CYP46A1: variants seen among roughly 807,000 people sequenced by gnomAD.
CYP46A1 encodes the protein cytochrome P450 family 46 subfamily A member 1, also known as cholesterol 24-hydroxylase.
A neutral mutation model predicts 63.3 loss-of-function variants in CYP46A1; 20 were observed. That is an observed-to-expected ratio of 0.32 (90% CI 0.22 to 0.46). The LOEUF (loss-of-function observed/expected upper bound fraction) is 0.46. Ranked by LOEUF, CYP46A1 falls within the 20% of genes least tolerant of loss-of-function variation. The pLI, the probability that CYP46A1 is intolerant of heterozygous loss-of-function variation, is 1.00. For synonymous variants in CYP46A1, 268 were observed against 273.6 expected (o/e 0.98, Z 0.20); for missense variants, 445 against 670.8 (o/e 0.66, Z 3.72).
chr14:99,706,576 G>T, intron 5 of CYP46A1, 71 bp from the exon 6 acceptor site: 1 of 1,586,180 alleles, frequency 6.3e-7, no homozygotes, highest in South Asian at 1.2e-5. Flanking sequence ...TCTCTGTGGA[G>T]AGGGAGGGCA....
intron 14 of CYP46A1, 134 bp downstream of exon 14, chr14:99,726,390 CCAGAGG>C: frequency 8.5e-7 from 1 of 1,182,624 alleles, no homozygotes; most frequent in Non-Finnish European, 1.2e-6. Flanking sequence ...GGAGCCAGAC[CCAGAGG>C]ACTGGCTGTG....
At position 99,725,700 on chromosome 14, in the gene CYP46A1, CA is replaced by C. The variant is rs1462404563; in HGVS notation, c.1265+222del. On this transcript the variant is annotated intron_variant, in intron 13 of 14. Coordinates refer to ENST00000261835, the MANE Select transcript of CYP46A1 (RefSeq NM_006668.2). This position sits in a 1 kb window ranked among gnomAD's most constrained non-coding sequence, Gnocchi z 4.2. Reference sequence around the variant, plus strand: ...TCAGTCTGGTTCTAAAGCTCATGCTCATAAGCAGCACCAAATACTGGGAAGC... The same window carrying C: ...TCAGTCTGGTTCTAAAGCTCATGCTCTAAGCAGCACCAAATACTGGGAAGC... Among the ~76,000 whole-genome samples the C allele has an allele frequency of 6.6e-6, 1 of 152,232 alleles. No homozygotes were observed. The highest frequency in any genetic ancestry group is 1.5e-5 in the Non-Finnish European group (1 of 68,038).
At chr14:99,694,002 C>T (rs1251396292) in intron 3 of CYP46A1, among the ~76,000 whole-genome samples, 1 of 152,148 alleles carries the variant, frequency 6.6e-6, no homozygotes, top group East Asian at 1.9e-4. Context: ...CCCCCCAGAC[C>T]CTGGAAACCA....
Position 99,725,319 on chromosome 14 carries a change from TG to T in CYP46A1, c.1177-70del. Reference sequence around the variant, plus strand: ...CTCTGCTCTGAGTAGCCCTGTTGGGTGGCCTCAGTGGCTCAAGAGGTGCCAG... The same window carrying T: ...CTCTGCTCTGAGTAGCCCTGTTGGGTGCCTCAGTGGCTCAAGAGGTGCCAG... On this transcript the variant is annotated intron_variant, in intron 12 of 14. Transcript: ENST00000261835. This position sits in a 1 kb window ranked among gnomAD's most constrained non-coding sequence, Gnocchi z 4.2. The T allele has an allele frequency of 8.3e-7, 1 of 1,202,034 alleles. No homozygotes were observed. The highest frequency in any genetic ancestry group is 1.2e-6 in the Non-Finnish European group (1 of 808,956). 74.5% of individuals were successfully genotyped at this position (1,202,034 alleles called of 1,614,324 possible).
intron 1 of CYP46A1, among the ~76,000 whole-genome samples, chr14:99,689,916 A>C (rs1330136614): frequency 3.3e-5 from 5 of 152,154 alleles, no homozygotes; most frequent in African/African-American, 1.2e-4. Context: ...CAGCTCACCA[A>C]AGTCAAAGCA....
Position 99,725,276 on chromosome 14 carries a change from G to T in CYP46A1, c.1177-115G>T. ...CTAGATGAGGGGTGAAGACATGGGG[G>T]GAGGAGAGTGGGACCCACTCTGCTC... On this transcript the variant is annotated intron_variant, in intron 12 of 14. Transcript: ENST00000261835. This position sits in a 1 kb window ranked among gnomAD's most constrained non-coding sequence, Gnocchi z 4.2. 1 of 738,040 alleles carries T rather than the reference G, an allele frequency of 1.4e-6. No homozygotes were observed. Among genetic ancestry groups the T allele is most frequent in the South Asian group, 1.6e-5 (1 of 61,536 alleles). The allele number at this position is 738,040 out of a possible 1,614,324, so 45.7% of individuals were successfully genotyped here. A position where few individuals can be genotyped will look rare whatever the true frequency, so the allele number is the denominator to read the frequency against.
intron 1 of CYP46A1, among the ~76,000 whole-genome samples, chr14:99,686,180 C>A (rs2056492512): frequency 6.6e-6 from 1 of 152,136 alleles, no homozygotes; most frequent in Admixed American, 6.5e-5. Context: ...CCGTGGTGGA[C>A]ACTATCACCC....
chr14:99,702,794 T>C (rs2056643473), intron 5 of CYP46A1, among the ~76,000 whole-genome samples: 1 of 152,190 alleles, frequency 6.6e-6, no homozygotes, highest in South Asian at 2.1e-4. Context: ...GAACAATGAC[T>C]ACAAACTATA....
chr14:99,726,424 C>A, intron 14 of CYP46A1, 133 bp from the exon 15 acceptor site: 2 of 1,169,972 alleles, frequency 1.7e-6, no homozygotes, highest in South Asian at 1.7e-5. Flanking sequence ...CGGAGGAGAG[C>A]GCAAAACAGG....
chr14:99,702,923 C>T (rs1349324301), intron 5 of CYP46A1, among the ~76,000 whole-genome samples: 1 of 152,066 alleles, frequency 6.6e-6, no homozygotes, highest in East Asian at 1.9e-4. Context: ...AAATCTAATC[C>T]ATGTTCATGT....
rs2056888510 is a variant in CYP46A1 at position 99,725,565 on chromosome 14, A to T, written c.1265+86A>T. 3 of 942,342 alleles carry T rather than the reference A, an allele frequency of 3.2e-6. No homozygotes were observed. In the Admixed American group the frequency reaches 5.6e-5, roughly 17 times the overall value. The allele number at this position is 942,342 out of a possible 1,614,324, so 58.4% of individuals were successfully genotyped here. A position where few individuals can be genotyped will look rare whatever the true frequency, so the allele number is the denominator to read the frequency against. ...CCTCTGGTCTGAGCCAGAGGCACCC[A>T]CTCAGCCCACATAGCCTTCCAGATC... On this transcript the variant is annotated intron_variant, in intron 13 of 14. Transcript: ENST00000261835. This position sits in a 1 kb window ranked among gnomAD's most constrained non-coding sequence, Gnocchi z 4.2.
intron 1 of CYP46A1, among the ~76,000 whole-genome samples, chr14:99,685,560 C>T (rs1387669473): frequency 2.0e-5 from 3 of 151,904 alleles, no homozygotes; most frequent in African/African-American, 7.3e-5. Context: ...ACTCTGTGTT[C>T]GCTTGTGTAT....
chr14:99,702,678 A>G (rs891317198), intron 5 of CYP46A1, among the ~76,000 whole-genome samples: 1 of 152,100 alleles, frequency 6.6e-6, no homozygotes, highest in African/African-American at 2.4e-5. Context: ...AAATATATTT[A>G]TCACTGTGTG....
At chr14:99,718,467 C>T (rs1595204126) in intron 10 of CYP46A1, among the ~76,000 whole-genome samples, 1 of 152,170 alleles carries the variant, frequency 6.6e-6, no homozygotes, top group African/African-American at 2.4e-5. Context: ...GGGCAGGGAC[C>T]GTGGTTTTTT....
At position 99,722,994 on chromosome 14, in the gene CYP46A1, A is replaced by G; in HGVS notation, c.1176+928A>G. On this transcript the variant is annotated intron_variant, in intron 12 of 14. Transcript: ENST00000261835. This position sits in a 1 kb window ranked among gnomAD's most constrained non-coding sequence, Gnocchi z 4.6. ...AAACGAACGCCACATTGTTTTCCAA[A>G]GTGGCTGCACCAACTTGGATGCCCA... 4.7e-6 allele frequency: 2 copies of G among 421,566 alleles called. No individual in the cohort carries two copies. The highest frequency in any genetic ancestry group is 3.3e-5 in the South Asian group (2 of 60,928). The allele number at this position is 421,566 out of a possible 1,614,324, so 26.1% of individuals were successfully genotyped here.
At chr14:99,705,919 T>C (rs35965011) in intron 5 of CYP46A1, 47,666 of 152,202 alleles carry the variant, frequency 0.31, 8,082 homozygotes, top group South Asian at 0.39. Context: ...AGCAAGACTC[T>C]GTCTATGGAA....
At chr14:99,688,061 C>T (rs1403651028) in intron 1 of CYP46A1, among the ~76,000 whole-genome samples, 2 of 152,044 alleles carry the variant, frequency 1.3e-5, no homozygotes, top group Non-Finnish European at 1.5e-5. Flanking sequence ...ATGGCACTCA[C>T]CTTCCTTCCC....
chr14:99,711,701 TGAA>T (rs1246401371), intron 7 of CYP46A1: 3 of 151,978 alleles, frequency 2.0e-5, no homozygotes, highest in African/African-American at 7.2e-5. Context: ...CCCAAACCCA[TGAA>T]GAAGAACACC....
Position 99,722,813 on chromosome 14 carries a change from C to A in CYP46A1, c.1176+747C>A. The A allele has an allele frequency of 2.4e-6, 1 of 409,252 alleles. No homozygotes were observed. Among genetic ancestry groups the A allele is most frequent in the Non-Finnish European group, 5.1e-6 (1 of 195,612 alleles). The allele number at this position is 409,252 out of a possible 1,614,324, so 25.4% of individuals were successfully genotyped here. The stretch of plus-strand genomic sequence containing the variant: ...CGCTGATCAGTTCTCAGGTGACAGG[C>A]ATTTGAGAGGTGTCCAGTTTGTCCC... On this transcript the variant is annotated intron_variant, in intron 12 of 14. Transcript: ENST00000261835. The surrounding 1 kb of genome is among the most constrained non-coding windows in gnomAD (Gnocchi z 4.6).
Sources: gnomAD v4.1 joint callset for allele counts (sites outside exome capture counted in the v4.1 genomes callset) on GRCh38, gnomAD v4.1.1 for gene constraint, Gnocchi (gnomAD v3.1) non-coding constraint, MANE v1.5 for transcripts, NCBI Gene and HGNC (gene_info 2026-07-23, HGNC 2026-07-21) for gene names.